Variants in SNX29 observed in about 807,000 individuals in gnomAD.
The protein encoded by SNX29 is sorting nexin 29.
In SNX29, 78 loss-of-function variants were observed where a neutral mutation model predicts 102.1. The observed-to-expected ratio is 0.76, with a 90% CI of 0.64 to 0.92. The LOEUF (loss-of-function observed/expected upper bound fraction) is 0.92, where lower values mean the gene tolerates loss of function less well. Among genes scored for constraint, SNX29 ranks in the 40% least tolerant of loss-of-function variants. The pLI is 0.00. For synonymous variants in SNX29, 580 were observed against 414.5 expected (o/e 1.40, Z -4.85); for missense variants, 1,280 against 1,061.7 (o/e 1.21, Z -2.86).
intron 16 of SNX29, among the ~76,000 whole-genome samples, chr16:12,396,946 A>T (rs1446297540): frequency 2.6e-5 from 4 of 152,238 alleles, no homozygotes; most frequent in Non-Finnish European, 5.9e-5. Flanking sequence ...ATGCTCTGTC[A>T]CCCAGGTTAG....
At chr16:11,985,160 T>G (rs1286988291) in intron 1 of SNX29, among the ~76,000 whole-genome samples, 1 of 152,174 alleles carries the variant, frequency 6.6e-6, no homozygotes, top group East Asian at 1.9e-4. Context: ...CCAAAGTGGT[T>G]GCACTAGTTT....
At chr16:12,140,584 C>G (rs2054835181) in intron 13 of SNX29, among the ~76,000 whole-genome samples, 2 of 152,162 alleles carry the variant, frequency 1.3e-5, no homozygotes, top group Admixed American at 1.3e-4. Flanking sequence ...GTTGCTTCCA[C>G]AGAGGGCTTG....
At chr16:12,268,337 AG>A (rs2142577491) in intron 14 of SNX29, among the ~76,000 whole-genome samples, 1 of 152,248 alleles carries the variant, frequency 6.6e-6, no homozygotes, top group African/African-American at 2.4e-5. Context: ...TTCAGTAGCT[AG>A]TTGTGTAGGA....
intron 19 of SNX29, among the ~76,000 whole-genome samples, chr16:12,487,145 T>G (rs918647523): frequency 2.6e-5 from 4 of 152,178 alleles, no homozygotes; most frequent in Non-Finnish European, 5.9e-5. Context: ...ATCTGTAAAG[T>G]GCTCAGAACA....
chr16:12,486,590 C>T (rs1482197798), intron 19 of SNX29, among the ~76,000 whole-genome samples: 4 of 152,246 alleles, frequency 2.6e-5, no homozygotes, highest in African/African-American at 7.2e-5. Flanking sequence ...CTGCCTTCAG[C>T]CTCTGTGAGC....
Position 12,461,973 on chromosome 16 carries a change from AAAAAAATATATATATATAT to A in SNX29, c.2038-15744_2038-15726del, listed in dbSNP as rs1293340776. Among the ~76,000 whole-genome samples the A allele has an allele frequency of 1.1e-4, 8 of 69,582 alleles. No homozygotes were observed. The East Asian group carries it at 2.8e-3, about 24-fold the overall frequency. 45.6% of individuals were successfully genotyped at this position (69,582 alleles called of 152,430 possible). ...TCTGTCTCAAAAAAAAAAAAAAAAA[AAAAAAATATATATATATAT>A]ATATATATATATATATATATGTATA... On this transcript the variant is annotated intron_variant, in intron 18 of 20. Coordinates refer to ENST00000566228, the MANE Select transcript of SNX29 (RefSeq NM_032167.5).
In SNX29 at chr16:12,543,138, CCAGGCCCTGAAGCATAAGTGTTCTCAT is replaced by C. The variant is rs1435210699; in HGVS notation, c.2318+18301_2318+18327del. ...TGCGTATCTTATAGATGGTTTAGAT[CCAGGCCCTGAAGCATAAGTGTTCTCAT>C]CAGCTCCTGTAGAAGTCCTAGGAAA... On this transcript the variant is annotated intron_variant, in intron 20 of 20. Coordinates refer to ENST00000566228, the MANE Select transcript of SNX29 (RefSeq NM_032167.5). Among the ~76,000 whole-genome samples, 3 of 152,112 alleles carry C rather than the reference CCAGGCCCTGAAGCATAAGTGTTCTCAT, an allele frequency of 2.0e-5. No homozygotes were observed. The East Asian group carries it at 5.8e-4, about 29-fold the overall frequency.
At chr16:12,510,990 T>C (rs1162426765) in intron 19 of SNX29, among the ~76,000 whole-genome samples, 1 of 151,762 alleles carries the variant, frequency 6.6e-6, no homozygotes, top group Non-Finnish European at 1.5e-5. Context: ...AGAGTCTCAC[T>C]CTGTCGCCCA....
intron 14 of SNX29, among the ~76,000 whole-genome samples, chr16:12,256,396 T>C (rs2078574315): frequency 6.6e-6 from 1 of 152,192 alleles, no homozygotes; most frequent in Non-Finnish European, 1.5e-5. Flanking sequence ...ATGCAGATCT[T>C]GGCTCACTGC....
At chr16:12,212,798 T>A (rs543047742) in intron 14 of SNX29, among the ~76,000 whole-genome samples, 1 of 152,334 alleles carries the variant, frequency 6.6e-6, no homozygotes, top group South Asian at 2.1e-4. Context: ...AAACGTGGTA[T>A]GTATACATCA....
chr16:12,391,408 TG>T (rs2083525263), intron 16 of SNX29, among the ~76,000 whole-genome samples: 1 of 152,238 alleles, frequency 6.6e-6, no homozygotes, highest in East Asian at 1.9e-4. Flanking sequence ...AAGACAGTAC[TG>T]TTACATCATT....
intron 20 of SNX29, among the ~76,000 whole-genome samples, chr16:12,540,682 C>T (rs187078964): frequency 6.6e-6 from 1 of 152,220 alleles, no homozygotes; most frequent in African/African-American, 2.4e-5. Context: ...GCTGGTCCCT[C>T]TTGTTGTAGA....
chr16:12,559,403 G>T (rs1055350651), intron 20 of SNX29, among the ~76,000 whole-genome samples: 2 of 151,204 alleles, frequency 1.3e-5, no homozygotes, highest in Non-Finnish European at 2.9e-5. Context: ...GCCCCCTGAA[G>T]GGACCATCTA....
rs528683942 is a variant in SNX29, at chr16:12,406,719, C to T, written c.2037+3190C>T. The stretch of plus-strand genomic sequence containing the variant: ...GGTCAGGAGTTCAAGACCATCCTGG[C>T]CAACATGGTGAAACCCCATCTCTAC... On this transcript the variant is annotated intron_variant, in intron 18 of 20. Transcript: ENST00000566228. Among the ~76,000 whole-genome samples, 89 of 152,178 alleles carry T rather than the reference C, an allele frequency of 5.8e-4. 2 individuals carry two copies. Among genetic ancestry groups the T allele is most frequent in the Non-Finnish European group, 4.1e-4 (28 of 68,036 alleles).
At chr16:12,437,725 C>T (rs1197065865) in intron 18 of SNX29, among the ~76,000 whole-genome samples, 2 of 152,150 alleles carry the variant, frequency 1.3e-5, no homozygotes, top group Non-Finnish European at 1.5e-5. Context: ...AGATTTATCT[C>T]CACCATCTTC....
intron 17 of SNX29, among the ~76,000 whole-genome samples, chr16:12,401,887 A>G (rs927459782): frequency 6.6e-6 from 1 of 152,202 alleles, no homozygotes; most frequent in Non-Finnish European, 1.5e-5. Context: ...TTTCTGATAC[A>G]GTGTGGTCAA....
At chr16:12,072,640 G>A (rs2151313242) in intron 10 of SNX29, among the ~76,000 whole-genome samples, 1 of 152,188 alleles carries the variant, frequency 6.6e-6, no homozygotes, top group Non-Finnish European at 1.5e-5. Context: ...TTTTTTGGTT[G>A]TGTCTCTGCC....
intron 1 of SNX29, chr16:11,983,677 T>C: frequency 2.0e-6 from 2 of 985,390 alleles, no homozygotes; most frequent in Non-Finnish European, 2.4e-6. Flanking sequence ...CCTACTGATG[T>C]TGGCTATCTT....
intron 18 of SNX29, among the ~76,000 whole-genome samples, chr16:12,408,157 C>CAA (rs1555530421): frequency 0.027 from 3,855 of 142,680 alleles, 225 homozygotes; most frequent in African/African-American, 0.098. Context: ...GGACCCTTCT[C>CAA]AAAAAAACAA....
Sources: gnomAD v4.1 joint callset for allele counts (sites outside exome capture counted in the v4.1 genomes callset) on GRCh38, gnomAD v4.1.1 for gene constraint, MANE v1.5 for transcripts, NCBI Gene and HGNC (gene_info 2026-07-23, HGNC 2026-07-21) for gene names.